CLIC5: variants seen among roughly 807,000 people sequenced by gnomAD.
The protein encoded by CLIC5 is chloride intracellular channel protein 5.
Under a neutral mutation model 24.7 loss-of-function variants are expected in CLIC5, and 20 were observed. That is an observed-to-expected ratio of 0.81 (90% CI 0.57 to 1.18). The LOEUF is 1.18. Ranked by LOEUF, CLIC5 falls within the 50% of genes most tolerant of loss-of-function variation. The pLI is 0.00. For missense variants in CLIC5, 341 were observed against 326.1 expected, an observed-to-expected ratio of 1.05 and a Z score of -0.35; for synonymous variants, 159 against 135.6, an observed-to-expected ratio of 1.17 and a Z score of -1.20.
chr6:46,038,388 G>A (rs1327714466), intron 1 of CLIC5, among the ~76,000 whole-genome samples: 3 of 152,134 alleles, frequency 2.0e-5, no homozygotes, highest in African/African-American at 7.2e-5. Context: ...CCCCTTAGTT[G>A]TGCTCTGTCC....
At chr6:46,117,192 G>T in the CLIC5 span, among the ~76,000 whole-genome samples, 2 of 152,066 alleles carry the variant, frequency 1.3e-5, no homozygotes, top group Non-Finnish European at 2.9e-5. Flanking sequence ...ATGGTGTCCT[G>T]TCAGCTGTAC....
the CLIC5 span, among the ~76,000 whole-genome samples, chr6:46,118,946 C>G: frequency 6.6e-6 from 1 of 152,078 alleles, no homozygotes; most frequent in Non-Finnish European, 1.5e-5. Context: ...GATGTGGAAT[C>G]CTTATCAGGG....
chr6:46,080,260 A>T, exon 1 of CLIC5: 1 of 1,543,644 alleles, frequency 6.5e-7, no homozygotes, highest in Non-Finnish European at 8.8e-7. Flanking sequence ...GATCCGAGAG[A>T]TCTGTTTACA....
intron 1 of CLIC5, among the ~76,000 whole-genome samples, chr6:46,064,812 A>G (rs1296902609): frequency 1.3e-5 from 2 of 152,172 alleles, no homozygotes; most frequent in African/African-American, 4.8e-5. Flanking sequence ...GAAGTGGATG[A>G]TAGAACCAGA....
intron 1 of CLIC5, among the ~76,000 whole-genome samples, chr6:46,025,536 G>A (rs1308111622): frequency 6.6e-6 from 1 of 152,152 alleles, no homozygotes; most frequent in Non-Finnish European, 1.5e-5. Flanking sequence ...ATAAGCACTA[G>A]CTAGTATGAC....
chr6:46,002,410 A>C (rs1766396442), intron 1 of CLIC5, among the ~76,000 whole-genome samples: 1 of 152,122 alleles, frequency 6.6e-6, no homozygotes, highest in East Asian at 1.9e-4. Context: ...CTGACTGAGG[A>C]ACTTGGGCCA....
rs148788470 is a variant in CLIC5, at chr6:46,024,261, C to G, written c.540+55442G>C. Among the ~76,000 whole-genome samples, 6 of 152,268 alleles carry G rather than the reference C, an allele frequency of 3.9e-5. No individual in the cohort carries two copies. In the East Asian group the frequency reaches 1.2e-3, roughly 29 times the overall value. ...TTGGGGATCTACCTTCCTCCATTCA[C>G]AGTACCTTAGGTTGAAGTAAAGCCT... is the stretch of plus-strand genomic sequence containing the variant. On this transcript the variant is annotated intron_variant, in intron 1 of 5. Coordinates refer to the CLIC5 transcript ENST00000185206.
intron 1 of CLIC5, among the ~76,000 whole-genome samples, chr6:46,038,703 CTCTT>C (rs1562018740): frequency 1.3e-5 from 2 of 152,216 alleles, no homozygotes; most frequent in African/African-American, 4.8e-5. Flanking sequence ...CTCTAGCACT[CTCTT>C]TCCCAGATTG....
chr6:45,918,672 A>G (rs1763127110), intron 4 of CLIC5, among the ~76,000 whole-genome samples: 1 of 152,214 alleles, frequency 6.6e-6, no homozygotes, highest in South Asian at 2.1e-4. Flanking sequence ...TGTAGATTGG[A>G]TGGGTGTCTG....
chr6:45,882,737 A>C (rs1762274095), intron 6 of CLIC5, among the ~76,000 whole-genome samples: 1 of 152,210 alleles, frequency 6.6e-6, no homozygotes, highest in Admixed American at 6.5e-5. Context: ...AGTGATACAA[A>C]AATTAATGGT....
the CLIC5 span, among the ~76,000 whole-genome samples, chr6:46,114,110 T>C: frequency 6.6e-6 from 1 of 152,186 alleles, no homozygotes; most frequent in Non-Finnish European, 1.5e-5. Flanking sequence ...AATGGGCTCC[T>C]GAAAGAGTGA....
chr6:46,102,443 CAA>C, the CLIC5 span: 6 of 152,118 alleles, frequency 3.9e-5, no homozygotes, highest in Non-Finnish European at 7.3e-5. Context: ...TCTTTATGTC[CAA>C]CTTTTATACA....
chr6:46,005,914 A>G (rs1050964400), intron 1 of CLIC5, among the ~76,000 whole-genome samples: 47 of 150,446 alleles, frequency 3.1e-4, no homozygotes, highest in African/African-American at 1.1e-3. Context: ...TCTGTTGTTT[A>G]TAAGCTACCT....
At chr6:46,117,608 A>G in the CLIC5 span, among the ~76,000 whole-genome samples, 5 of 152,248 alleles carry the variant, frequency 3.3e-5, no homozygotes, top group Non-Finnish European at 5.9e-5. Context: ...AAGAATGTTT[A>G]TTAAATTCTA....
At chr6:46,003,670 G>A (rs549523569) in intron 1 of CLIC5, among the ~76,000 whole-genome samples, 2 of 152,276 alleles carry the variant, frequency 1.3e-5, no homozygotes, top group East Asian at 1.9e-4. Flanking sequence ...TACTCCCATG[G>A]GGCCTGGTTA....
intron 6 of CLIC5, among the ~76,000 whole-genome samples, chr6:45,881,450 G>A (rs1004165073): frequency 1.3e-5 from 2 of 152,036 alleles, no homozygotes; most frequent in East Asian, 1.9e-4. Flanking sequence ...AAGGCCTTCC[G>A]GCGGCAGATT....
At chr6:45,916,331 G>T (rs1249904319) in intron 4 of CLIC5, among the ~76,000 whole-genome samples, 1 of 152,156 alleles carries the variant, frequency 6.6e-6, no homozygotes, top group African/African-American at 2.4e-5. Flanking sequence ...AGACTGTGAT[G>T]GGATTGCAAG....
At chr6:46,048,918 T>C (rs1253433752) in intron 1 of CLIC5, among the ~76,000 whole-genome samples, 1 of 152,092 alleles carries the variant, frequency 6.6e-6, no homozygotes, top group Non-Finnish European at 1.5e-5. Flanking sequence ...CAAGCAATGC[T>C]AAAGGTCAGA....
chr6:45,964,545 C>G (rs1764956645), intron 1 of CLIC5, among the ~76,000 whole-genome samples: 1 of 152,180 alleles, frequency 6.6e-6, no homozygotes, highest in Non-Finnish European at 1.5e-5. Flanking sequence ...ATGCTTGCCC[C>G]TGGAACCTAG....
Sources: gnomAD v4.1 joint callset for allele counts (sites outside exome capture counted in the v4.1 genomes callset) on GRCh38, gnomAD v4.1.1 for gene constraint, MANE v1.5 for transcripts, NCBI Gene and HGNC (gene_info 2026-07-23, HGNC 2026-07-21) for gene names.